PRKCB: variants seen among roughly 807,000 people sequenced by gnomAD.
PRKCB encodes the protein protein kinase C beta.
A neutral mutation model predicts 81.5 loss-of-function variants in PRKCB; 13 were observed. The ratio of observed to expected loss-of-function variants is 0.16; its 90% CI spans 0.10 to 0.25. The LOEUF (loss-of-function observed/expected upper bound fraction) is 0.25. PRKCB is among the 10% of genes least tolerant of loss of function. PRKCB has a pLI of 1.00. For missense variants in PRKCB, 509 were observed against 875.7 expected (o/e 0.58, Z 5.29); for synonymous variants, 335 against 321.4 (o/e 1.04, Z -0.45).
At chr16:24,163,575 A>G (rs1967297830) in intron 10 of PRKCB, among the ~76,000 whole-genome samples, 1 of 152,248 alleles carries the variant, frequency 6.6e-6, no homozygotes, top group African/African-American at 2.4e-5. Flanking sequence ...TTTGGCCTCT[A>G]TGTGGAGGGA....
At chr16:24,202,698 T>C (rs1967977592) in intron 16 of PRKCB, among the ~76,000 whole-genome samples, 1 of 152,216 alleles carries the variant, frequency 6.6e-6, no homozygotes, top group Admixed American at 6.5e-5. Flanking sequence ...TAGCATGCTG[T>C]GTACAATTTC....
At chr16:23,999,519 G>A (rs1441211464) in intron 3 of PRKCB, among the ~76,000 whole-genome samples, 2 of 152,136 alleles carry the variant, frequency 1.3e-5, no homozygotes, top group Non-Finnish European at 2.9e-5. Flanking sequence ...CAACATTTAT[G>A]GGCACTCGCC....
In PRKCB at chr16:23,972,412, A is replaced by G. The variant is rs1056015476; in HGVS notation, c.206-16096A>G. On this transcript the variant is annotated intron_variant, in intron 2 of 16. Coordinates refer to ENST00000643927, the MANE Select transcript of PRKCB (RefSeq NM_002738.7). ...TTTGTATTTGCTTTATTATATTTAAATATCAGAGAATGCAAAATTGTAAAA... is the reference window on the plus strand; with the variant it reads ...TTTGTATTTGCTTTATTATATTTAAGTATCAGAGAATGCAAAATTGTAAAA... Among the ~76,000 whole-genome samples the G allele has an allele frequency of 3.3e-5, 5 of 152,332 alleles. No homozygotes were observed. In the East Asian group the frequency reaches 5.8e-4, roughly 18 times the overall value.
intron 3 of PRKCB, among the ~76,000 whole-genome samples, chr16:24,003,290 C>T (rs11074598): frequency 0.56 from 84,720 of 151,868 alleles, 23,925 homozygotes; most frequent in South Asian, 0.77. Flanking sequence ...CTCATTTGCT[C>T]CTGCTGTAGA....
rs944750449 is a variant in PRKCB at position 23,925,557 on chromosome 16, C to G, written c.206-62951C>G. 3.3e-5 allele frequency among the ~76,000 whole-genome samples: 5 copies of G among 152,040 alleles called. 1 individual carries two copies. ...CATTGTCTTGTCAGCCTTGAAGTGC[C>G]GAAACCCAGCATCCCTGTCTGAGGT... On this transcript the variant is annotated intron_variant, in intron 2 of 16. Transcript: ENST00000643927.
At chr16:24,195,298 C>G (rs531486421) in intron 16 of PRKCB, among the ~76,000 whole-genome samples, 1 of 152,200 alleles carries the variant, frequency 6.6e-6, no homozygotes, top group Non-Finnish European at 1.5e-5. Flanking sequence ...CTCCTCCCCC[C>G]AATCCCAGGA....
rs75536873 is a variant in PRKCB at position 23,968,877 on chromosome 16, G to A, written c.206-19631G>A. On this transcript the variant is annotated intron_variant, in intron 2 of 16. Coordinates refer to ENST00000643927, the MANE Select transcript of PRKCB (RefSeq NM_002738.7). ...TGAGATTCAGTGTGGGTTTCAAACC[G>A]TTTCTAGGAGCTAAAGGTCCTGAGA... is the stretch of plus-strand genomic sequence containing the variant. 2.0e-4 allele frequency among the ~76,000 whole-genome samples: 31 copies of A among 152,112 alleles called. 1 individual carries two copies. The highest frequency in any genetic ancestry group is 6.5e-4 in the African/African-American group (27 of 41,418).
In PRKCB at chr16:23,955,635, G is replaced by A. The variant is rs538129249; in HGVS notation, c.206-32873G>A. 2.7e-4 allele frequency among the ~76,000 whole-genome samples: 41 copies of A among 152,254 alleles called. 2 individuals are homozygous for A. In the South Asian group the frequency reaches 8.5e-3, roughly 32 times the overall value. ...GCATGGAGAGAGAAGGTGCAGGTCC[G>A]CCTATTTGATGTTGGGTAGGATGTG... On this transcript the variant is annotated intron_variant, in intron 2 of 16. Coordinates refer to ENST00000643927, the MANE Select transcript of PRKCB (RefSeq NM_002738.7).
chr16:23,979,516 T>G (rs186697620), intron 2 of PRKCB, among the ~76,000 whole-genome samples: 1 of 152,278 alleles, frequency 6.6e-6, no homozygotes, highest in Non-Finnish European at 1.5e-5. Context: ...AAGGCTTTAT[T>G]GTAAAATTCC....
chr16:24,006,693 CAGA>C (rs1459125975), intron 3 of PRKCB, among the ~76,000 whole-genome samples: 4 of 152,154 alleles, frequency 2.6e-5, no homozygotes, highest in African/African-American at 9.7e-5. Flanking sequence ...ATTCAAATTC[CAGA>C]AGGAGAGAGA....
chr16:24,062,472 G>A (rs1029260763), intron 5 of PRKCB, among the ~76,000 whole-genome samples: 9 of 152,252 alleles, frequency 5.9e-5, no homozygotes, highest in African/African-American at 2.2e-4. Context: ...CCCAGATGCA[G>A]GGAATGGAGA....
intron 5 of PRKCB, among the ~76,000 whole-genome samples, chr16:24,035,782 G>T (rs1965608505): frequency 6.6e-6 from 1 of 152,186 alleles, no homozygotes; most frequent in Admixed American, 6.5e-5. Flanking sequence ...ACCCCAGGCT[G>T]ACTTGGGTTC....
At chr16:24,191,279 T>G (rs1374172490) in intron 16 of PRKCB, 49 bp downstream of exon 16, 1 of 1,606,778 alleles carries the variant, frequency 6.2e-7, no homozygotes, top group Non-Finnish European at 8.5e-7. Flanking sequence ...CACAAGGTAT[T>G]CTTGCCTGTG....
At chr16:24,199,861 C>G (rs1967931587) in intron 16 of PRKCB, among the ~76,000 whole-genome samples, 1 of 152,146 alleles carries the variant, frequency 6.6e-6, no homozygotes, top group Non-Finnish European at 1.5e-5. Flanking sequence ...CTGTACACTG[C>G]ACAAGACCCT....
At chr16:23,940,069 C>A (rs185562369) in intron 2 of PRKCB, among the ~76,000 whole-genome samples, 2 of 152,216 alleles carry the variant, frequency 1.3e-5, no homozygotes, top group East Asian at 3.9e-4. Context: ...AAAGAGGGAA[C>A]ACAGATGACA....
intron 3 of PRKCB, among the ~76,000 whole-genome samples, chr16:23,998,331 C>T (rs1964986487): frequency 6.6e-6 from 1 of 152,176 alleles, no homozygotes; most frequent in South Asian, 2.1e-4. Context: ...GACTTCTTGG[C>T]TTCCATAATT....
chr16:23,844,951 A>G (rs946600301), intron 2 of PRKCB, among the ~76,000 whole-genome samples: 6 of 152,056 alleles, frequency 3.9e-5, no homozygotes, highest in African/African-American at 1.4e-4. Flanking sequence ...ACAGGTGCCC[A>G]CCACCTCGCC....
intron 2 of PRKCB, among the ~76,000 whole-genome samples, chr16:23,968,228 A>T (rs1964513391): frequency 6.6e-6 from 1 of 151,778 alleles, no homozygotes. Flanking sequence ...AAGTTCCTCC[A>T]CCCCTGAGGT....
chr16:24,180,098 C>A (rs909611534), intron 12 of PRKCB, among the ~76,000 whole-genome samples: 6 of 152,260 alleles, frequency 3.9e-5, no homozygotes, highest in Admixed American at 6.5e-5. Flanking sequence ...GCGCCCACGA[C>A]CACGCCCAGC....
Sources: allele counts gnomAD v4.1 joint callset (sites outside exome capture counted in the v4.1 genomes callset), GRCh38; gene constraint gnomAD v4.1.1; transcripts MANE v1.5; gene names NCBI Gene and HGNC (gene_info 2026-07-23, HGNC 2026-07-21).